The following IRAK3 variants were observed in gnomAD, a reference collection of about 807,000 sequenced individuals.
IRAK3 encodes the protein interleukin 1 receptor associated kinase 3.
A neutral mutation model predicts 56.6 loss-of-function variants in IRAK3; 57 were observed. That is an observed-to-expected ratio of 1.01 (90% CI 0.81 to 1.26). The LOEUF is 1.26. Among genes scored for constraint, IRAK3 ranks in the 50% most tolerant of loss-of-function variants. IRAK3 has a pLI of 0.00. For missense variants in IRAK3, 703 were observed against 719.0 expected, an observed-to-expected ratio of 0.98 and a Z score of 0.25; for synonymous variants, 258 against 255.7, an observed-to-expected ratio of 1.01 and a Z score of -0.09.
chr12:66,196,851 A>G (rs907763875), intron 1 of IRAK3: 2 of 1,467,602 alleles, frequency 1.4e-6, no homozygotes, highest in Admixed American at 2.8e-5. Flanking sequence ...TGTAGAAAGA[A>G]AGAGACATCT....
At position 66,247,679 on chromosome 12, in the gene IRAK3, G is replaced by C; in HGVS notation, c.1315-16G>C. 1 of 1,474,862 alleles carries C rather than the reference G, an allele frequency of 6.8e-7. No individual in the cohort carries two copies. The highest frequency in any genetic ancestry group is 1.4e-5 in the African/African-American group (1 of 72,236). The allele number at this position is 1,474,862 out of a possible 1,614,324, so 91.4% of individuals were successfully genotyped here. ...TTCAAACTTAATTTAATGTCTGTTT[G>C]CTTCTTTGTTATTAGGTTTTAAATA... On this transcript the variant is annotated splice_polypyrimidine_tract_variant and intron_variant, in intron 11 of 11. Coordinates refer to ENST00000261233, the MANE Select transcript of IRAK3 (RefSeq NM_007199.3).
chr12:66,247,842 A>C lies in IRAK3; in HGVS notation c.1462A>C (p.Asn488His), dbSNP rs776840714. 4 of 1,613,996 alleles carry C rather than the reference A, an allele frequency of 2.5e-6. No individual in the cohort carries two copies. The highest frequency in any genetic ancestry group is 2.5e-6 in the Non-Finnish European group (3 of 1,179,942). The change falls in exon 12 of 12, where the codon AAT becomes CAT. Residue 488 changes from asparagine (N) to histidine (H), a missense_variant. Physicochemically the swap from Asn to His is moderately conservative, Grantham distance 68. Coordinates refer to ENST00000261233, the MANE Select transcript of IRAK3 (RefSeq NM_007199.3). ...PVEDDESQNN[N>H]LLPSDEGLRI... is the part of the protein sequence containing the mutation. ...GGAAGATGATGAAAGCCAGAATAACAATTTACTACCTTCTGATGAAGGCCT... is the reference window on the plus strand; with the variant it reads ...GGAAGATGATGAAAGCCAGAATAACCATTTACTACCTTCTGATGAAGGCCT...
At chr12:66,246,641 T>C (rs1042237194) in intron 11 of IRAK3, among the ~76,000 whole-genome samples, 1 of 152,252 alleles carries the variant, frequency 6.6e-6, no homozygotes, top group Non-Finnish European at 1.5e-5. Flanking sequence ...TACTGACTAA[T>C]GATACTGCTT....
Position 66,191,842 on chromosome 12 carries a change from T to C in IRAK3, c.133+2410T>C, listed in dbSNP as rs1056388995. On this transcript the variant is annotated intron_variant, in intron 1 of 11. Coordinates refer to ENST00000261233, the MANE Select transcript of IRAK3 (RefSeq NM_007199.3). ...CTCAGGACAGCTGACAGCCCAAGCT[T>C]AAATGTAGAAAACAACTGTAATATA... is the stretch of plus-strand genomic sequence containing the variant. Among the ~76,000 whole-genome samples the C allele has an allele frequency of 1.4e-4, 21 of 152,282 alleles. No homozygotes were observed. In the South Asian group the frequency reaches 4.4e-3, roughly 32 times the overall value.
rs1235526773 is a variant in IRAK3, at chr12:66,248,688, C to T, written c.*517C>T. The T allele has an allele frequency of 6.5e-6, 1 of 152,754 alleles. No homozygotes were observed. The allele number at this position is 152,754 out of a possible 1,614,324, so 9.5% of individuals were successfully genotyped here. A position where few individuals can be genotyped will look rare whatever the true frequency, so the allele number is the denominator to read the frequency against. On this transcript the variant is annotated 3_prime_UTR_variant, in exon 12 of 12. Coordinates refer to ENST00000261233, the MANE Select transcript of IRAK3 (RefSeq NM_007199.3). ...GACCCCTCTTGTTTTTTGGTTAATC[C>T]CTGACTAGCCTGCTTGTCTGAAAAT...
chr12:66,224,514 G>A (rs2052766655), intron 6 of IRAK3, among the ~76,000 whole-genome samples: 1 of 152,134 alleles, frequency 6.6e-6, no homozygotes, highest in African/African-American at 2.4e-5. Flanking sequence ...GAAGGATGAG[G>A]TTTCTTTAGT....
intron 8 of IRAK3, among the ~76,000 whole-genome samples, chr12:66,238,110 T>C (rs1170978585): frequency 2.0e-5 from 3 of 152,136 alleles, no homozygotes; most frequent in African/African-American, 7.2e-5. Context: ...GTGAATCTTA[T>C]GGCTGCAGAG....
intron 8 of IRAK3, among the ~76,000 whole-genome samples, chr12:66,240,211 G>C (rs572487454): frequency 6.6e-6 from 1 of 152,304 alleles, no homozygotes; most frequent in South Asian, 2.1e-4. Context: ...ACCCCGTGAA[G>C]TAAGCAGTAT....
intron 8 of IRAK3, chr12:66,234,227 A>G: frequency 1.2e-6 from 2 of 1,613,864 alleles, no homozygotes; most frequent in South Asian, 1.1e-5. Flanking sequence ...CGTTGCAGGC[A>G]TGTATGTTCC....
At chr12:66,212,933 C>T (rs974369266) in intron 5 of IRAK3, among the ~76,000 whole-genome samples, 6 of 152,000 alleles carry the variant, frequency 3.9e-5, no homozygotes, top group South Asian at 2.1e-4. Flanking sequence ...CTAATGCATG[C>T]GGGTCTTAAA....
At chr12:66,236,288 C>T (rs549085600) in intron 8 of IRAK3, among the ~76,000 whole-genome samples, 6 of 151,336 alleles carry the variant, frequency 4.0e-5, no homozygotes, top group Admixed American at 3.9e-4. Context: ...GTGGCTCACA[C>T]CTATAATCCT....
At chr12:66,203,337 C>T (rs1388454074) in intron 1 of IRAK3, among the ~76,000 whole-genome samples, 3 of 152,170 alleles carry the variant, frequency 2.0e-5, no homozygotes, top group African/African-American at 7.2e-5. Flanking sequence ...AATATCATTT[C>T]ACTGTCCTGA....
chr12:66,239,384 G>C (rs17826057), intron 8 of IRAK3, among the ~76,000 whole-genome samples: 1 of 150,702 alleles, frequency 6.6e-6, no homozygotes, highest in Non-Finnish European at 1.5e-5. Flanking sequence ...CAAAAGACTA[G>C]AAAAACTGAG....
chr12:66,192,925 C>T (rs992277247), intron 1 of IRAK3, among the ~76,000 whole-genome samples: 3 of 152,112 alleles, frequency 2.0e-5, no homozygotes, highest in African/African-American at 7.2e-5. Flanking sequence ...AAGATTCTAA[C>T]CAGATGATCA....
intron 1 of IRAK3, chr12:66,196,888 A>G (rs1354963983): frequency 5.3e-6 from 8 of 1,520,842 alleles, no homozygotes; most frequent in African/African-American, 1.4e-5. Context: ...AGTGTCTAAA[A>G]ACAAGCTTTG....
intron 8 of IRAK3, chr12:66,234,499 A>G (rs952903173): frequency 1.1e-5 from 17 of 1,611,660 alleles, no homozygotes; most frequent in Admixed American, 5.0e-5. Context: ...CGTTTTGTAT[A>G]GCAGCTGTAG....
At chr12:66,231,819 G>A in intron 8 of IRAK3, among the ~76,000 whole-genome samples, 1 of 152,234 alleles carries the variant, frequency 6.6e-6, no homozygotes, top group East Asian at 1.9e-4. Context: ...ACTGTGGTGA[G>A]CAGGGGATGG....
chr12:66,193,840 C>T (rs1217601525), intron 1 of IRAK3, among the ~76,000 whole-genome samples: 2 of 152,160 alleles, frequency 1.3e-5, no homozygotes, highest in Non-Finnish European at 2.9e-5. Context: ...CAGATATCTG[C>T]CCTGTAAAAT....
At position 66,235,304 on chromosome 12, in the gene IRAK3, G is replaced by GGGC. The variant is rs139344896; in HGVS notation, c.887+6935_887+6936insGCG. Reference sequence around the variant, plus strand: ...GAAGATCATCGCTGCGGGCCGCGGCGGCGGGCGCGGGCGCGGGGCAGCCTG... The same window carrying GGGC: ...GAAGATCATCGCTGCGGGCCGCGGCGGGCGCGGGCGCGGGCGCGGGGCAGCCTG... On this transcript the variant is annotated intron_variant, in intron 8 of 11. Coordinates refer to ENST00000261233, the MANE Select transcript of IRAK3 (RefSeq NM_007199.3). The GGGC allele has an allele frequency of 2.2e-5, 27 of 1,234,258 alleles. No homozygotes were observed. The South Asian group carries it at 5.7e-4, about 26-fold the overall frequency. The allele number at this position is 1,234,258 out of a possible 1,614,324, so 76.5% of individuals were successfully genotyped here.
Sources: gnomAD v4.1 joint callset for allele counts (sites outside exome capture counted in the v4.1 genomes callset) on GRCh38, gnomAD v4.1.1 for gene constraint, MANE v1.5 for transcripts, NCBI Gene and HGNC (gene_info 2026-07-23, HGNC 2026-07-21) for gene names.